Variants in FAT2 observed in about 807,000 individuals in gnomAD.
FAT2 encodes the protein protocadherin Fat 2.
In FAT2, 150 loss-of-function variants were observed where a neutral mutation model predicts 295.3. The observed-to-expected ratio is 0.51, with a 90% CI of 0.44 to 0.58. The LOEUF (loss-of-function observed/expected upper bound fraction) is 0.58, where lower values mean the gene tolerates loss of function less well. FAT2 is among the 20% of genes least tolerant of loss of function. The pLI is 0.00. For missense variants in FAT2, 4,868 were observed against 5,442.7 expected (o/e 0.89, Z 3.32); for synonymous variants, 2,026 against 2,150.3 (o/e 0.94, Z 1.60).
rs139067149 is a variant in FAT2, at chr5:151,584,410, T to C, written c.-21+6755A>G. 9.7e-4 allele frequency among the ~76,000 whole-genome samples: 147 copies of C among 152,232 alleles called. 2 individuals carry two copies. Among genetic ancestry groups the C allele is most frequent in the African/African-American group, 3.3e-3 (139 of 41,544 alleles). On this transcript the variant is annotated intron_variant, in intron 1 of 23. Transcript: ENST00000261800. ...GTTCTTGGAGCAATATTCTGGTCCG[T>C]TTTCTTATTTAATTCCTTCAAAGAC... is the stretch of plus-strand genomic sequence containing the variant.
chr5:151,561,400 T>C (rs1758010403), intron 3 of FAT2, among the ~76,000 whole-genome samples: 1 of 152,086 alleles, frequency 6.6e-6, no homozygotes. Flanking sequence ...CTCTTTTTTT[T>C]TTCTTTCTGA....
rs1179177406 is a variant in FAT2, at chr5:151,545,549, T to G, written c.5578A>C (p.Ile1860Leu). The G allele has an allele frequency of 6.2e-7, 1 of 1,614,158 alleles. No homozygotes were observed. The highest frequency in any genetic ancestry group is 8.5e-7 in the Non-Finnish European group (1 of 1,179,986). Residue 1860 changes from isoleucine (I) to leucine (L), a missense_variant, in exon 10 of 24, where the codon ATT (isoleucine) becomes CTT (leucine). Physicochemically the swap from Ile to Leu is conservative, Grantham distance 5. Coordinates refer to ENST00000261800, the MANE Select transcript of FAT2 (RefSeq NM_001447.3). Reference protein sequence around the residue: ...LFAPRPAQVIIHVRDVNDSPP... With the variant: ...LFAPRPAQVILHVRDVNDSPP... ...GAATCATTCACATCTCTGACATGAA[T>G]GATGACTTGGGCAGGTCTGGGTGCA...
chr5:151,565,458 C>A lies in FAT2; in HGVS notation c.3259+215G>T, dbSNP rs9324698. On this transcript the variant is annotated intron_variant, in intron 2 of 23. Transcript: ENST00000261800. ...ATAAACAGAATATGTAATATATGTG[C>A]ATATATGTGTATGTGTATATGCACA... Among the ~76,000 whole-genome samples, 73,479 of 151,850 alleles carry A rather than the reference C, an allele frequency of 0.48. 17,983 individuals carry two copies. Among genetic ancestry groups the A allele is most frequent in the Non-Finnish European group, 0.53 (35,840 of 67,928 alleles).
rs779343752 is a variant in FAT2 at position 151,557,976 on chromosome 5, G to A, written c.3575-1574C>T. 5.9e-5 allele frequency among the ~76,000 whole-genome samples: 9 copies of A among 152,202 alleles called. No individual in the cohort carries two copies. The South Asian group carries it at 1.0e-3, about 18-fold the overall frequency. ...GACCCACTAATCCCCTCTGTGCCTC[G>A]CCTTGACTCCAGGAAGCTCCTGCTT... On this transcript the variant is annotated intron_variant, in intron 3 of 23. Coordinates refer to ENST00000261800, the MANE Select transcript of FAT2 (RefSeq NM_001447.3).
intron 20 of FAT2, among the ~76,000 whole-genome samples, 168 bp downstream of exon 20, chr5:151,517,452 A>C (rs921675006): frequency 6.6e-6 from 1 of 152,208 alleles, no homozygotes; most frequent in African/African-American, 2.4e-5. Flanking sequence ...GGCTGTGGCC[A>C]TCCAGGACAG....
intron 20 of FAT2, among the ~76,000 whole-genome samples, chr5:151,516,230 G>A (rs1016474370): frequency 3.3e-5 from 5 of 152,148 alleles, no homozygotes; most frequent in Non-Finnish European, 7.3e-5. Flanking sequence ...TGTAACTCCG[G>A]CTGGGCATGT....
intron 1 of FAT2, among the ~76,000 whole-genome samples, chr5:151,576,013 A>G (rs1561884192): frequency 6.6e-6 from 1 of 152,240 alleles, no homozygotes; most frequent in South Asian, 2.1e-4. Context: ...AGCACGGCAT[A>G]GGAACCACAG....
intron 18 of FAT2, among the ~76,000 whole-genome samples, chr5:151,523,689 T>C (rs1223209424): frequency 6.6e-6 from 1 of 152,188 alleles, no homozygotes; most frequent in East Asian, 1.9e-4. Flanking sequence ...CATCTCTCCC[T>C]AGGCAATCAC....
intron 13 of FAT2, 143 bp from the exon 14 acceptor site, chr5:151,532,113 G>T: frequency 1.9e-6 from 2 of 1,069,254 alleles, no homozygotes; most frequent in Non-Finnish European, 2.7e-6. Context: ...AAGAGTGAGG[G>T]TCTCTCCAGC....
chr5:151,538,515 C>T (rs1485422029), intron 11 of FAT2, among the ~76,000 whole-genome samples: 2 of 152,140 alleles, frequency 1.3e-5, no homozygotes, highest in African/African-American at 4.8e-5. Context: ...ACCGTCATGG[C>T]ATCTGAGGGA....
rs1337734647 is a variant in FAT2 at position 151,544,398 on chromosome 5, G to T, written c.6729C>A (p.Val2243=). The change falls in exon 10 of 24, where the codon GTC becomes GTA. Residue 2243 remains valine, a synonymous_variant. Transcript: ENST00000261800. The part of the protein sequence containing the change: ...YESKTKHVFT[V]RATDTALGSF... ...ACCCCAGAGCTGTATCCGTGGCTCT[G>T]ACTGTGAACACATGTTTGGTCTTGG... 6.2e-7 allele frequency: 1 copy of T among 1,614,056 alleles called. No individual in the cohort carries two copies. Among genetic ancestry groups the T allele is most frequent in the Non-Finnish European group, 8.5e-7 (1 of 1,180,040 alleles).
intron 1 of FAT2, among the ~76,000 whole-genome samples, chr5:151,569,822 C>T (rs1758452399): frequency 6.6e-6 from 1 of 152,240 alleles, no homozygotes; most frequent in Non-Finnish European, 1.5e-5. Context: ...TCTAGCCAAA[C>T]TGAGCTGTTT....
intron 1 of FAT2, among the ~76,000 whole-genome samples, chr5:151,584,240 C>T (rs1360147375): frequency 1.3e-5 from 2 of 151,654 alleles, no homozygotes; most frequent in African/African-American, 2.4e-5. Context: ...TGTGGAAAAC[C>T]GACACCTCAA....
rs1259659580 is a variant in FAT2, at chr5:151,521,428, A to G, written c.11165T>C (p.Met3722Thr). 2.5e-6 allele frequency: 4 copies of G among 1,614,080 alleles called. No individual in the cohort carries two copies. The highest frequency in any genetic ancestry group is 3.4e-6 in the Non-Finnish European group (4 of 1,180,026). The change falls in exon 19 of 24, where the codon ATG becomes ACG. Residue 3722 changes from methionine to threonine, a missense_variant. This residue lies in a region of FAT2 where 1,046 missense variants were observed against 1,210.1 expected (regional missense o/e 0.86). Transcript: ENST00000261800. Reference protein sequence around the residue: ...HSVGVQMRSAMPMVPCQGPTC... With the variant: ...HSVGVQMRSATPMVPCQGPTC... ...TGGCCCCTGGCAGGGCACCATGGGCATAGCTGACCGCATCTGAACCCCCAC... is the reference window on the plus strand; with the variant it reads ...TGGCCCCTGGCAGGGCACCATGGGCGTAGCTGACCGCATCTGAACCCCCAC...
intron 12 of FAT2, among the ~76,000 whole-genome samples, chr5:151,537,352 A>AG (rs376865623): frequency 2.0e-3 from 175 of 86,734 alleles, no homozygotes; most frequent in Middle Eastern, 8.8e-3. Context: ...AGAAAAGAAA[A>AG]AAGAAGGAAG....
intron 12 of FAT2, among the ~76,000 whole-genome samples, chr5:151,536,235 A>G (rs1755269055): frequency 6.6e-6 from 1 of 151,938 alleles, no homozygotes; most frequent in African/African-American, 2.4e-5. Context: ...AAAAAACGCC[A>G]TTTTTTAAAG....
intron 1 of FAT2, among the ~76,000 whole-genome samples, chr5:151,575,124 G>A (rs1269965173): frequency 6.6e-6 from 1 of 152,232 alleles, no homozygotes; most frequent in Non-Finnish European, 1.5e-5. Context: ...GGATTTGACT[G>A]TAAAAGTCAG....
At chr5:151,565,212 T>C (rs1758192019) in intron 2 of FAT2, among the ~76,000 whole-genome samples, 1 of 152,180 alleles carries the variant, frequency 6.6e-6, no homozygotes, top group African/African-American at 2.4e-5. Flanking sequence ...TGTCTTGATA[T>C]TATATGACAT....
intron 8 of FAT2, among the ~76,000 whole-genome samples, chr5:151,549,985 C>T (rs1042725039): frequency 3.3e-5 from 5 of 152,104 alleles, no homozygotes; most frequent in Non-Finnish European, 7.4e-5. Flanking sequence ...AGACAGGAGG[C>T]CAGGCTCCGA....
Sources: gnomAD v4.1 joint callset for allele counts (sites outside exome capture counted in the v4.1 genomes callset) on GRCh38, gnomAD v4.1.1 for gene constraint, gnomAD v4.1.1 regional missense constraint, MANE v1.5 for transcripts, NCBI Gene and HGNC (gene_info 2026-07-23, HGNC 2026-07-21) for gene names.